NAPB: variants seen among roughly 807,000 people sequenced by gnomAD.
NAPB encodes beta-soluble NSF attachment protein.
In NAPB, 26 loss-of-function variants were observed where a neutral mutation model predicts 44.7. That is an observed-to-expected ratio of 0.58 (90% CI 0.43 to 0.81). The LOEUF (loss-of-function observed/expected upper bound fraction) is 0.81. Among genes scored for constraint, NAPB ranks in the 30% least tolerant of loss-of-function variants. The probability of loss-of-function intolerance (pLI) is 0.00; values close to 1 mark genes in which losing one functional copy is unlikely to be tolerated. For synonymous variants in NAPB, 120 were observed against 116.8 expected (o/e 1.03, Z -0.18); for missense variants, 315 against 356.4 (o/e 0.88, Z 0.94).
intron 9 of NAPB, 43 bp from the exon 10 acceptor site, chr20:23,379,538 A>T (rs1982830906): frequency 7.0e-7 from 1 of 1,420,002 alleles, no homozygotes; most frequent in South Asian, 1.2e-5. Flanking sequence ...CTGTAAGATG[A>T]AGTCCCATTT....
intron 1 of NAPB, among the ~76,000 whole-genome samples, chr20:23,414,098 G>C (rs1985844409): frequency 6.6e-6 from 1 of 152,182 alleles, no homozygotes; most frequent in Non-Finnish European, 1.5e-5. Flanking sequence ...CAACCAGGCA[G>C]ATCATTTGAG....
chr20:23,416,964 C>T (rs1413610636), intron 1 of NAPB, among the ~76,000 whole-genome samples: 1 of 152,314 alleles, frequency 6.6e-6, no homozygotes, highest in Non-Finnish European at 1.5e-5. Context: ...CCCAATGGGG[C>T]CTTTCATTAA....
At chr20:23,408,521 T>C (rs1985420264) in intron 1 of NAPB, among the ~76,000 whole-genome samples, 1 of 152,278 alleles carries the variant, frequency 6.6e-6, no homozygotes, top group South Asian at 2.1e-4. Flanking sequence ...TACTCTGTGA[T>C]ATTATAGGCT....
chr20:23,410,806 C>T (rs1388338122), intron 1 of NAPB, among the ~76,000 whole-genome samples: 2 of 152,056 alleles, frequency 1.3e-5, no homozygotes, highest in Admixed American at 1.3e-4. Context: ...CACAGGAAAA[C>T]AATTCCATAT....
At chr20:23,395,404 A>G (rs1399156954) in intron 3 of NAPB, among the ~76,000 whole-genome samples, 2 of 152,218 alleles carry the variant, frequency 1.3e-5, no homozygotes. Flanking sequence ...AGGGAACTGT[A>G]GCTGGAGTAA....
At chr20:23,378,438 A>T (rs1453219512) in intron 10 of NAPB, among the ~76,000 whole-genome samples, 2 of 149,290 alleles carry the variant, frequency 1.3e-5, no homozygotes, top group Non-Finnish European at 3.0e-5. Context: ...ATATATATTT[A>T]TTATTTATTT....
chr20:23,389,981 C>T lies in NAPB; in HGVS notation c.526G>A (p.Glu176Lys). The T allele has an allele frequency of 6.2e-7, 1 of 1,614,136 alleles. No individual in the cohort carries two copies. The highest frequency in any genetic ancestry group is 8.5e-7 in the Non-Finnish European group (1 of 1,179,994). ...LKVAAYAAQL[E>K]QYQKAIEIYE... ...ATCTCAATGGCTTTCTGGTACTGCT[C>T]AAGCTGGGCAGCATATGCTGCCACC... Residue 176 changes from glutamate (E) to lysine (K), a missense_variant, in exon 7 of 11, where the codon GAG becomes AAG. By Grantham distance (56) the Glu-to-Lys change is moderately conservative. This residue lies in a region of NAPB where 16 missense variants were observed against 43.4 expected (regional missense o/e 0.37). Transcript: ENST00000377026.
At chr20:23,417,083 C>CTTT (rs567478910) in intron 1 of NAPB, among the ~76,000 whole-genome samples, 21 of 134,212 alleles carry the variant, frequency 1.6e-4, no homozygotes, top group African/African-American at 2.0e-4. Context: ...CACTGGCATT[C>CTTT]TTTTTTTTTT....
At chr20:23,399,671 G>T (rs1984682563) in intron 2 of NAPB, among the ~76,000 whole-genome samples, 1 of 152,218 alleles carries the variant, frequency 6.6e-6, no homozygotes, top group South Asian at 2.1e-4. Context: ...AGGCTGGTGG[G>T]TATCCAGAAG....
intron 2 of NAPB, among the ~76,000 whole-genome samples, chr20:23,399,719 G>C (rs1322567273): frequency 1.3e-5 from 2 of 152,180 alleles, no homozygotes; most frequent in African/African-American, 4.8e-5. Context: ...CCAGGCACCT[G>C]GGGTACTTGG....
At chr20:23,387,722 T>C (rs1206875636) in intron 7 of NAPB, among the ~76,000 whole-genome samples, 13 of 152,190 alleles carry the variant, frequency 8.5e-5, no homozygotes, top group Admixed American at 8.5e-4. Flanking sequence ...CAAAACATTG[T>C]TGAGCAAAAT....
At chr20:23,404,267 A>G (rs2424539) in intron 1 of NAPB, among the ~76,000 whole-genome samples, 37,864 of 152,198 alleles carry the variant, frequency 0.25, 5,408 homozygotes, top group Middle Eastern at 0.36. Context: ...TACAGTATAC[A>G]TAACAAGGAA....
At chr20:23,413,076 T>C (rs902286459) in intron 1 of NAPB, among the ~76,000 whole-genome samples, 3 of 152,118 alleles carry the variant, frequency 2.0e-5, no homozygotes, top group African/African-American at 4.8e-5. Context: ...AGCAGGAGGA[T>C]TGCTTAGGCC....
intron 2 of NAPB, among the ~76,000 whole-genome samples, chr20:23,401,885 AAATAAAT>A: frequency 7.7e-6 from 1 of 130,462 alleles, no homozygotes; most frequent in Non-Finnish European, 1.7e-5. Context: ...TGTCTCGAAT[AAATAAAT>A]AAATAAACAA....
At chr20:23,408,898 A>G (rs892682325) in intron 1 of NAPB, among the ~76,000 whole-genome samples, 3 of 152,234 alleles carry the variant, frequency 2.0e-5, no homozygotes, top group African/African-American at 7.2e-5. Context: ...ACAATGTGTC[A>G]ATTAAAAACT....
chr20:23,397,175 T>C lies in NAPB; in HGVS notation c.192A>G (p.Ala64=). 1.2e-6 allele frequency: 2 copies of C among 1,611,738 alleles called. No homozygotes were observed. The highest frequency in any genetic ancestry group is 8.5e-7 in the Non-Finnish European group (1 of 1,178,284). Residue 64 remains alanine, a synonymous_variant, in exon 3 of 11, where the codon GCA becomes GCG. Transcript: ENST00000377026. ...MAKNWSAAGN[A]FCQAAKLHMQ... Reference sequence around the variant, plus strand: ...TGTGGAGCTTGGCTGCCTGACAAAATGCGTTTCCTGCAGCTGAAGAAGACA... The same window carrying C: ...TGTGGAGCTTGGCTGCCTGACAAAACGCGTTTCCTGCAGCTGAAGAAGACA...
At chr20:23,379,303 A>G (rs542308357) in intron 10 of NAPB, 142 bp downstream of exon 10, 145 of 601,356 alleles carry the variant, frequency 2.4e-4, no homozygotes, top group Non-Finnish European at 3.4e-4. Flanking sequence ...GATATATAAA[A>G]GGTGACGTTT....
At chr20:23,401,280 AT>A (rs1568614970) in intron 2 of NAPB, among the ~76,000 whole-genome samples, 1 of 152,208 alleles carries the variant, frequency 6.6e-6, no homozygotes, top group Non-Finnish European at 1.5e-5. Flanking sequence ...TCATTAACAC[AT>A]TTATGCCTAG....
At position 23,421,441 on chromosome 20, in the gene NAPB, C is replaced by A. The variant is rs765382462; in HGVS notation, c.-39G>T. On this transcript the variant is annotated 5_prime_UTR_variant, in exon 1 of 11. Transcript: ENST00000377026. ...GCCGCCACAGCCCCCTCAGCCGGCT[C>A]GCTGTGCGCCCAGGCGCCTTAACCC... The A allele has an allele frequency of 2.8e-5, 43 of 1,526,634 alleles. No homozygotes were observed. The highest frequency in any genetic ancestry group is 3.4e-5 in the Non-Finnish European group (38 of 1,133,714). 94.6% of individuals were successfully genotyped at this position (1,526,634 alleles called of 1,614,324 possible). A position where few individuals can be genotyped will look rare whatever the true frequency, so the allele number is the denominator to read the frequency against.
Sources: gnomAD v4.1 joint callset for allele counts (sites outside exome capture counted in the v4.1 genomes callset) on GRCh38, gnomAD v4.1.1 for gene constraint, gnomAD v4.1.1 regional missense constraint, MANE v1.5 for transcripts, NCBI Gene and HGNC (gene_info 2026-07-23, HGNC 2026-07-21) for gene names.